ZNF438: variants seen among roughly 807,000 people sequenced by gnomAD.
ZNF438 encodes the protein zinc finger protein 438.
ZNF438 carries 25 observed loss-of-function variants against 38.0 expected under a neutral mutation model. That is an observed-to-expected ratio of 0.66 (90% CI 0.48 to 0.92). ZNF438 has a LOEUF of 0.92. Ranked by LOEUF, ZNF438 falls within the 40% of genes least tolerant of loss-of-function variation. The probability of loss-of-function intolerance (pLI) is 0.00; values close to 1 mark genes in which losing one functional copy is unlikely to be tolerated. For missense variants in ZNF438, 1,007 were observed against 999.6 expected (o/e 1.01, Z -0.10); for synonymous variants, 372 against 364.1 (o/e 1.02, Z -0.25).
intron 1 of ZNF438, among the ~76,000 whole-genome samples, chr10:30,956,096 T>G (rs1589414166): frequency 1.3e-5 from 2 of 152,352 alleles, no homozygotes; most frequent in Admixed American, 1.3e-4. Flanking sequence ...AAAGGATTCA[T>G]GCTCAGGCTC....
intron 1 of ZNF438, among the ~76,000 whole-genome samples, chr10:30,992,495 C>G (rs1022154675): frequency 7.2e-5 from 11 of 151,914 alleles, no homozygotes; most frequent in African/African-American, 2.7e-4. Context: ...TCACTGCAAC[C>G]TCTACCTTCC....
rs1038041632 is a variant in ZNF438, at chr10:30,962,889, G to A, written c.-191-21238C>T. On this transcript the variant is annotated intron_variant, in intron 1 of 5. Transcript: ENST00000413025. ...TTACTGTTTTGGAAAAACTGGTTTC[G>A]TTTCTGTGTGGCATTATTTTTCCTT... Among the ~76,000 whole-genome samples, 26 of 152,056 alleles carry A rather than the reference G, an allele frequency of 1.7e-4. 1 individual carries two copies. Among genetic ancestry groups the A allele is most frequent in the African/African-American group, 4.8e-5 (2 of 41,378 alleles).
chr10:30,893,421 A>C (rs570771287), intron 3 of ZNF438, among the ~76,000 whole-genome samples: 1 of 152,354 alleles, frequency 6.6e-6, no homozygotes, highest in African/African-American at 2.4e-5. Context: ...AGTGAGCATT[A>C]GTGTTCATGC....
Position 30,989,774 on chromosome 10 carries a change from C to G in ZNF438, c.-192+42059G>C, listed in dbSNP as rs142085404. 2.2e-3 allele frequency among the ~76,000 whole-genome samples: 336 copies of G among 152,288 alleles called. 3 individuals are homozygous for G. Among genetic ancestry groups the G allele is most frequent in the African/African-American group, 7.3e-3 (304 of 41,572 alleles). On this transcript the variant is annotated intron_variant, in intron 1 of 5. Coordinates refer to ENST00000413025, the Ensembl canonical transcript of ZNF438. ...TTCCAGTTCTATAAGCACTCATATC[C>G]TTGAAAACAGAGGAAAGAGATACAG... is the stretch of plus-strand genomic sequence containing the variant.
chr10:30,930,756 G>A (rs965564660), intron 2 of ZNF438, among the ~76,000 whole-genome samples: 7 of 127,914 alleles, frequency 5.5e-5, no homozygotes, highest in South Asian at 2.7e-4. Flanking sequence ...GTAGTAAGCC[G>A]AGATCATGCC....
At chr10:30,947,762 T>C (rs1466880474) in intron 1 of ZNF438, among the ~76,000 whole-genome samples, 1 of 152,202 alleles carries the variant, frequency 6.6e-6, no homozygotes, top group Non-Finnish European at 1.5e-5. Context: ...AAAAGCGCAG[T>C]ATTCGGGAGG....
chr10:31,001,995 T>C (rs774161859), intron 1 of ZNF438, among the ~76,000 whole-genome samples: 10 of 152,024 alleles, frequency 6.6e-5, no homozygotes, highest in Non-Finnish European at 8.8e-5. Flanking sequence ...TCTCAAGAGA[T>C]GGAAAGTCAA....
chr10:30,999,706 G>A (rs942087417), intron 1 of ZNF438, among the ~76,000 whole-genome samples: 1 of 152,078 alleles, frequency 6.6e-6, no homozygotes, highest in Non-Finnish European at 1.5e-5. Context: ...GCATTTTGAC[G>A]ATTCTTTACA....
At chr10:30,999,031 G>A (rs1280719053) in intron 1 of ZNF438, among the ~76,000 whole-genome samples, 3 of 151,942 alleles carry the variant, frequency 2.0e-5, no homozygotes, top group South Asian at 4.2e-4. Flanking sequence ...ACCAGAGAAA[G>A]CACACTTTTA....
At chr10:30,950,260 G>C (rs913487895) in intron 1 of ZNF438, among the ~76,000 whole-genome samples, 2 of 151,992 alleles carry the variant, frequency 1.3e-5, no homozygotes, top group Non-Finnish European at 2.9e-5. Flanking sequence ...CGTGTAAAGG[G>C]AAATTTATAG....
intron 4 of ZNF438, among the ~76,000 whole-genome samples, chr10:30,869,415 A>G (rs1021002411): frequency 1.3e-5 from 2 of 152,156 alleles, no homozygotes; most frequent in Non-Finnish European, 2.9e-5. Flanking sequence ...AGAGGAAAGA[A>G]AGAAATACAG....
chr10:30,944,193 C>T (rs1036757507), intron 1 of ZNF438, among the ~76,000 whole-genome samples: 5 of 152,192 alleles, frequency 3.3e-5, no homozygotes, highest in Non-Finnish European at 7.4e-5. Flanking sequence ...CATGTGTCAA[C>T]AGTCTCTGAC....
At chr10:30,874,563 A>AATT (rs2133591924) in intron 4 of ZNF438, among the ~76,000 whole-genome samples, 1 of 152,286 alleles carries the variant, frequency 6.6e-6, no homozygotes, top group South Asian at 2.1e-4. Flanking sequence ...ATGAATGAGT[A>AATT]AATTAATGAA....
intron 1 of ZNF438, among the ~76,000 whole-genome samples, chr10:30,987,681 T>C (rs549597709): frequency 1.3e-5 from 2 of 151,906 alleles, no homozygotes; most frequent in East Asian, 1.9e-4. Context: ...TCTCTCTCTC[T>C]CCCCACCCAC....
intron 5 of ZNF438, among the ~76,000 whole-genome samples, chr10:30,846,692 G>A (rs1419658168): frequency 2.0e-5 from 3 of 152,176 alleles, no homozygotes; most frequent in African/African-American, 7.2e-5. Context: ...CTGTGCTCTT[G>A]GAAGCTGGGA....
chr10:30,856,784 C>T (rs2034702279), intron 4 of ZNF438, among the ~76,000 whole-genome samples: 1 of 152,106 alleles, frequency 6.6e-6, no homozygotes, highest in Non-Finnish European at 1.5e-5. Context: ...TAATTGTGTA[C>T]AATTATTCAA....
chr10:30,960,027 T>C (rs1210231100), intron 1 of ZNF438, among the ~76,000 whole-genome samples: 1 of 147,212 alleles, frequency 6.8e-6, no homozygotes, highest in Non-Finnish European at 1.5e-5. Flanking sequence ...ATCTTCCTAA[T>C]GACTAATGAT....
intron 2 of ZNF438, among the ~76,000 whole-genome samples, chr10:30,921,507 C>T (rs958671053): frequency 4.7e-4 from 71 of 152,092 alleles, no homozygotes; most frequent in African/African-American, 1.7e-3. Context: ...AATATCTTGA[C>T]CTATTTTTCT....
chr10:30,946,580 A>T (rs540482848), intron 1 of ZNF438, among the ~76,000 whole-genome samples: 26 of 152,362 alleles, frequency 1.7e-4, no homozygotes, highest in African/African-American at 6.0e-4. Context: ...TGCAGCCAAA[A>T]AACACATGAC....
Sources: gnomAD v4.1 joint callset for allele counts (sites outside exome capture counted in the v4.1 genomes callset) on GRCh38, gnomAD v4.1.1 for gene constraint, MANE v1.5 for transcripts, NCBI Gene and HGNC (gene_info 2026-07-23, HGNC 2026-07-21) for gene names.